The following ZRANB2 variants were observed in gnomAD, a reference collection of about 807,000 sequenced individuals.
The protein encoded by ZRANB2 is zinc finger Ran-binding domain-containing protein 2.
A neutral mutation model predicts 53.4 loss-of-function variants in ZRANB2; 19 were observed. The ratio of observed to expected loss-of-function variants is 0.36; its 90% CI spans 0.25 to 0.52. The LOEUF is 0.52. Ranked by LOEUF, ZRANB2 falls within the 20% of genes least tolerant of loss-of-function variation. The pLI, the probability that ZRANB2 is intolerant of heterozygous loss-of-function variation, is 0.93. For missense variants in ZRANB2, 309 were observed against 401.1 expected (o/e 0.77, Z 1.96); for synonymous variants, 145 against 134.8 (o/e 1.08, Z -0.52).
At chr1:71,071,019 T>G in intron 6 of ZRANB2, 23 bp from the exon 7 acceptor site, 1 of 1,519,042 alleles carries the variant, frequency 6.6e-7, no homozygotes, top group South Asian at 1.3e-5. Context: ...CAATTATAAT[T>G]AGACATTTAG....
intron 4 of ZRANB2, among the ~76,000 whole-genome samples, chr1:71,074,208 C>A (rs923363369): frequency 1.3e-5 from 2 of 152,042 alleles, no homozygotes; most frequent in Non-Finnish European, 2.9e-5. Context: ...CTAGGTATCC[C>A]CAGCACCTTG....
chr1:71,073,332 G>A (rs1230605137), intron 4 of ZRANB2, among the ~76,000 whole-genome samples: 2 of 151,846 alleles, frequency 1.3e-5, no homozygotes, highest in East Asian at 3.9e-4. Context: ...AAATTAAAGA[G>A]GTATGTGTTG....
chr1:71,065,566 A>T, intron 9 of ZRANB2: 1 of 1,415,114 alleles, frequency 7.1e-7, no homozygotes, highest in East Asian at 2.5e-5. Context: ...GCTTCTGTGT[A>T]TGAGAAAATA....
chr1:71,076,996 T>C, intron 3 of ZRANB2, 119 bp from the exon 4 acceptor site: 1 of 760,868 alleles, frequency 1.3e-6, no homozygotes. Context: ...GAAATGTTTA[T>C]TAAGTGGTAA....
intron 3 of ZRANB2, among the ~76,000 whole-genome samples, chr1:71,077,811 G>A (rs575342907): frequency 2.0e-5 from 3 of 152,206 alleles, no homozygotes; most frequent in South Asian, 2.1e-4. Flanking sequence ...AACTGAGATC[G>A]CCCCACTGCA....
chr1:71,066,404 G>C (rs1661438652), intron 9 of ZRANB2: 1 of 162,958 alleles, frequency 6.1e-6, no homozygotes, highest in Non-Finnish European at 1.3e-5. Context: ...TTTATTAGAT[G>C]CTCTAGAATT....
rs1661365242 is a variant in ZRANB2 at position 71,064,063 on chromosome 1, C to G, written c.*1011G>C. ...AAGCATTTTAAGCCATAACTTATTT[C>G]AAATGAATAGGAAAAATAATGACTT... On this transcript the variant is annotated 3_prime_UTR_variant, in exon 10 of 10. Transcript: ENST00000370920. 6.6e-6 allele frequency: 1 copy of G among 152,344 alleles called. No homozygotes were observed. The highest frequency in any genetic ancestry group is 6.6e-5 in the Admixed American group (1 of 15,220). 9.4% of individuals were successfully genotyped at this position (152,344 alleles called of 1,614,324 possible). A position where few individuals can be genotyped will look rare whatever the true frequency, so the allele number is the denominator to read the frequency against.
chr1:71,080,903 A>T, intron 1 of ZRANB2, 37 bp downstream of exon 1: 1 of 1,612,374 alleles, frequency 6.2e-7, no homozygotes, highest in Non-Finnish European at 8.5e-7. Flanking sequence ...TTCCACTAAC[A>T]AACTCCGTCC....
rs531847158 is a variant in ZRANB2 at position 71,074,579 on chromosome 1, C to G, written c.302-2031G>C. ...GAACAATTAATTCAACTCCTGAGAA[C>G]ATATTCTAAGGAAAGAATCCAAAAG... On this transcript the variant is annotated intron_variant, in intron 4 of 9. Transcript: ENST00000370920. 1.1e-3 allele frequency among the ~76,000 whole-genome samples: 171 copies of G among 151,904 alleles called. 2 individuals carry two copies. The highest frequency in any genetic ancestry group is 9.6e-3 in the Admixed American group (147 of 15,252).
chr1:71,065,482 GTGTGAC>G (rs1661404422), intron 9 of ZRANB2, among the ~76,000 whole-genome samples: 1 of 152,074 alleles, frequency 6.6e-6, no homozygotes, highest in South Asian at 2.1e-4. Flanking sequence ...GGTAATGGAA[GTGTGAC>G]TAAACCAATC....
In ZRANB2 at chr1:71,076,897, TA is replaced by T. The variant is rs765391369; in HGVS notation, c.219-21del. ...CTGCAACTTTAGAAGTGAAAAATACTAAATTAGTAGGCTATAATATAGATGA... is the reference window on the plus strand; with the variant it reads ...CTGCAACTTTAGAAGTGAAAAATACTAATTAGTAGGCTATAATATAGATGA... On this transcript the variant is annotated intron_variant, in intron 3 of 9. Coordinates refer to ENST00000370920, the MANE Select transcript of ZRANB2 (RefSeq NM_203350.3). 6.4e-6 allele frequency: 10 copies of T among 1,562,954 alleles called. No individual in the cohort carries two copies. In the South Asian group the frequency reaches 1.1e-4, roughly 18 times the overall value.
intron 8 of ZRANB2, 73 bp from the exon 9 acceptor site, chr1:71,067,007 A>C: frequency 7.1e-7 from 1 of 1,400,468 alleles, no homozygotes; most frequent in Non-Finnish European, 9.5e-7. Flanking sequence ...GTTATCAGAT[A>C]GCTCCAAAAA....
At chr1:71,071,313 C>T (rs1298055404) in intron 6 of ZRANB2, among the ~76,000 whole-genome samples, 2 of 152,126 alleles carry the variant, frequency 1.3e-5, no homozygotes, top group Non-Finnish European at 2.9e-5. Flanking sequence ...ACACTCTGTT[C>T]CTTATTCTCT....
rs1348811866 is a variant in ZRANB2 at position 71,080,850 on chromosome 1, G to A, written c.56+90C>T. 16 of 1,510,324 alleles carry A rather than the reference G, an allele frequency of 1.1e-5. No individual in the cohort carries two copies. The South Asian group carries it at 1.6e-4, about 15-fold the overall frequency. The allele number at this position is 1,510,324 out of a possible 1,614,324, so 93.6% of individuals were successfully genotyped here. A position where few individuals can be genotyped will look rare whatever the true frequency, so the allele number is the denominator to read the frequency against. The stretch of plus-strand genomic sequence containing the variant: ...CCGCCTCAACCCGTCTTAAGGCACA[G>A]AAAATCATAAAAAAGGAAAATGCCG... On this transcript the variant is annotated intron_variant, in intron 1 of 9. Transcript: ENST00000370920.
chr1:71,078,360 G>C (rs1051600179), intron 3 of ZRANB2, 97 bp downstream of exon 3: 41 of 992,106 alleles, frequency 4.1e-5, no homozygotes, highest in Middle Eastern at 4.3e-4. Context: ...GGTTACCCTG[G>C]CTTGTCAATG....
chr1:71,072,280 C>T, intron 5 of ZRANB2, 25 bp from the exon 6 acceptor site: 1 of 1,595,886 alleles, frequency 6.3e-7, no homozygotes, highest in East Asian at 2.2e-5. Flanking sequence ...TTTCAAAATG[C>T]TTGTCAGCTG....
chr1:71,073,674 T>C (rs1661642965), intron 4 of ZRANB2, among the ~76,000 whole-genome samples: 3 of 151,932 alleles, frequency 2.0e-5, no homozygotes, highest in Non-Finnish European at 4.4e-5. Flanking sequence ...ATAATTTACA[T>C]AGGAAAAAAC....
At chr1:71,068,173 T>C (rs983857969) in intron 8 of ZRANB2, among the ~76,000 whole-genome samples, 3 of 152,020 alleles carry the variant, frequency 2.0e-5, no homozygotes, top group Non-Finnish European at 4.4e-5. Flanking sequence ...CCTTGTTATC[T>C]ATTTCTTATT....
At chr1:71,080,397 C>T (rs1661812589) in intron 1 of ZRANB2, among the ~76,000 whole-genome samples, 1 of 151,894 alleles carries the variant, frequency 6.6e-6, no homozygotes, top group South Asian at 2.1e-4. Flanking sequence ...GAGAAATGAT[C>T]CACAAAGAAA....
Sources: gnomAD v4.1 joint callset for allele counts (sites outside exome capture counted in the v4.1 genomes callset) on GRCh38, gnomAD v4.1.1 for gene constraint, MANE v1.5 for transcripts, NCBI Gene and HGNC (gene_info 2026-07-23, HGNC 2026-07-21) for gene names.